B4GALT6: variants seen among roughly 807,000 people sequenced by gnomAD.
B4GALT6 encodes the protein UDP-Gal:beta-GlcNAc beta-1,4-galactosyltransferase 6.
B4GALT6 carries 14 observed loss-of-function variants against 46.3 expected under a neutral mutation model. The observed-to-expected ratio is 0.30, with a 90% CI of 0.20 to 0.47. The LOEUF (loss-of-function observed/expected upper bound fraction) is 0.47, where lower values mean the gene tolerates loss of function less well. Among genes scored for constraint, B4GALT6 ranks in the 20% least tolerant of loss-of-function variants. B4GALT6 has a pLI of 0.99. For synonymous variants in B4GALT6, 168 were observed against 162.0 expected, an observed-to-expected ratio of 1.04 and a Z score of -0.28; for missense variants, 386 against 480.1, an observed-to-expected ratio of 0.80 and a Z score of 1.83.
the B4GALT6 span, among the ~76,000 whole-genome samples, chr18:31,714,777 A>T: frequency 6.6e-6 from 1 of 152,156 alleles, no homozygotes; most frequent in African/African-American, 2.4e-5. Context: ...TTATATTCTC[A>T]TAGCAGAAGA....
At chr18:31,663,132 CCTA>C (rs1304996481) in intron 2 of B4GALT6, among the ~76,000 whole-genome samples, 5 of 152,178 alleles carry the variant, frequency 3.3e-5, no homozygotes, top group Non-Finnish European at 5.9e-5. Context: ...AGATGGATCC[CCTA>C]CTAATTCTCA....
chr18:31,679,510 C>T (rs1017257600), intron 1 of B4GALT6, among the ~76,000 whole-genome samples: 56 of 152,314 alleles, frequency 3.7e-4, no homozygotes, highest in African/African-American at 1.3e-3. Flanking sequence ...TACTTTCAAA[C>T]TATACTTGGT....
intron 2 of B4GALT6, among the ~76,000 whole-genome samples, chr18:31,665,183 A>T (rs2074268442): frequency 6.6e-6 from 1 of 152,220 alleles, no homozygotes; most frequent in African/African-American, 2.4e-5. Flanking sequence ...TACTAACACA[A>T]ATTAAATCTT....
In B4GALT6 at chr18:31,625,692, T is replaced by C. The variant is rs1459106772; in HGVS notation, c.1071A>G (p.Pro357=). The change falls in exon 9 of 9, where the codon CCA becomes CCG. Residue 357 remains proline (P), a synonymous_variant. Transcript: ENST00000306851. The stretch of plus-strand genomic sequence containing the variant: ...TATACAACCTATCAACCAGTATTTT[T>C]GGCCTATATATTAAATTGTTCAGTC... ...IDGLNNLIYR[P]KILVDRLYTN... is the part of the protein sequence containing the mutation. The C allele has an allele frequency of 5.6e-6, 9 of 1,613,848 alleles. No homozygotes were observed. Among genetic ancestry groups the C allele is most frequent in the South Asian group, 1.1e-5 (1 of 91,000 alleles).
At chr18:31,674,356 T>C (rs1471785403) in intron 1 of B4GALT6, among the ~76,000 whole-genome samples, 1 of 152,134 alleles carries the variant, frequency 6.6e-6, no homozygotes, top group African/African-American at 2.4e-5. Flanking sequence ...GAAATCTTCA[T>C]TGTAAAAAGT....
chr18:31,632,769 TAC>T (rs2073807567), intron 5 of B4GALT6, among the ~76,000 whole-genome samples: 1 of 152,224 alleles, frequency 6.6e-6, no homozygotes. Context: ...TGGGAATAAC[TAC>T]AGTTTTCTAT....
chr18:31,656,471 C>T (rs1413695779), intron 3 of B4GALT6, among the ~76,000 whole-genome samples: 1 of 151,338 alleles, frequency 6.6e-6, no homozygotes, highest in East Asian at 1.9e-4. Context: ...GTTGACAGTA[C>T]AGTATAGTGT....
chr18:31,660,492 A>T (rs1375303782), intron 2 of B4GALT6, among the ~76,000 whole-genome samples: 1 of 151,882 alleles, frequency 6.6e-6, no homozygotes, highest in Non-Finnish European at 1.5e-5. Flanking sequence ...AGAGTTACTT[A>T]TTTATCTTCA....
intron 4 of B4GALT6, among the ~76,000 whole-genome samples, chr18:31,641,564 T>C (rs1010216070): frequency 4.6e-5 from 7 of 152,252 alleles, no homozygotes; most frequent in African/African-American, 1.7e-4. Context: ...TCTGTGATCA[T>C]TTATTTTAAG....
chr18:31,658,299 A>T (rs914229949), intron 2 of B4GALT6: 13 of 457,202 alleles, frequency 2.8e-5, no homozygotes, highest in Admixed American at 2.1e-4. Context: ...TCTAGAGAGC[A>T]GCACACCCTT....
intron 1 of B4GALT6, among the ~76,000 whole-genome samples, chr18:31,667,950 A>G (rs1295810531): frequency 6.6e-6 from 1 of 152,114 alleles, no homozygotes; most frequent in Non-Finnish European, 1.5e-5. Context: ...CAAAAAAATC[A>G]GCTGGACATG....
chr18:31,627,270 A>C, intron 6 of B4GALT6, 149 bp from the exon 7 acceptor site: 1 of 581,536 alleles, frequency 1.7e-6, no homozygotes, highest in Non-Finnish European at 2.8e-6. Flanking sequence ...ACACCAAGAC[A>C]TAAAACATTT....
chr18:31,690,622 C>A (rs1272714970), upstream of B4GALT6, among the ~76,000 whole-genome samples: 1 of 151,842 alleles, frequency 6.6e-6, no homozygotes. Context: ...AGGCACCCAC[C>A]ACCACACCCA....
At chr18:31,669,516 A>G (rs2074325160) in intron 1 of B4GALT6, among the ~76,000 whole-genome samples, 1 of 152,160 alleles carries the variant, frequency 6.6e-6, no homozygotes. Flanking sequence ...TCTTGTATAG[A>G]CTTTTTTCTA....
chr18:31,687,792 G>A (rs973897415), upstream of B4GALT6, among the ~76,000 whole-genome samples: 6 of 152,028 alleles, frequency 3.9e-5, no homozygotes, highest in Non-Finnish European at 1.5e-5. Flanking sequence ...CATAATTAAT[G>A]GTTTTCTAGT....
rs1233394270 is a variant in B4GALT6, at chr18:31,671,187, AAC to A, written c.116-4817_116-4816del. Among the ~76,000 whole-genome samples, 17 of 152,102 alleles carry A rather than the reference AAC, an allele frequency of 1.1e-4. 1 individual carries two copies. Among genetic ancestry groups the A allele is most frequent in the Non-Finnish European group, 1.5e-5 (1 of 68,020 alleles). ...TTGGTTCCAAGTCTTTGCTATTGTG[AAC>A]AGTGTCACAATAAACATACGTGTGC... On this transcript the variant is annotated intron_variant, in intron 1 of 8. Transcript: ENST00000306851.
Position 31,684,496 on chromosome 18 carries a change from A to C in B4GALT6, c.-70T>G, listed in dbSNP as rs2074519323. On this transcript the variant is annotated 5_prime_UTR_variant, in exon 1 of 9. Coordinates refer to ENST00000306851, the MANE Select transcript of B4GALT6 (RefSeq NM_004775.5). ...ACTCGGGGCCACTGTCCAGGCCCTA[A>C]ACTTCCATAAATGTGCTGAGAACCC... The C allele has an allele frequency of 6.4e-7, 1 of 1,566,860 alleles. No individual in the cohort carries two copies. The highest frequency in any genetic ancestry group is 2.4e-5 in the East Asian group (1 of 42,040).
the B4GALT6 span, among the ~76,000 whole-genome samples, chr18:31,692,705 AAATT>A: frequency 6.6e-6 from 1 of 152,240 alleles, no homozygotes; most frequent in East Asian, 1.9e-4. Context: ...ATGGATGAGA[AAATT>A]AAGAGGTAAA....
chr18:31,660,250 G>C (rs1283409112), intron 2 of B4GALT6, among the ~76,000 whole-genome samples: 2 of 151,892 alleles, frequency 1.3e-5, no homozygotes, highest in African/African-American at 4.8e-5. Flanking sequence ...TGCCTGGCCT[G>C]ATTCTTTAAA....
Sources: gnomAD v4.1 joint callset for allele counts (sites outside exome capture counted in the v4.1 genomes callset) on GRCh38, gnomAD v4.1.1 for gene constraint, MANE v1.5 for transcripts, NCBI Gene and HGNC (gene_info 2026-07-23, HGNC 2026-07-21) for gene names.